RALGPS1: variants seen among roughly 807,000 people sequenced by gnomAD.
RALGPS1 encodes the protein Ral GEF with PH domain and SH3 binding motif 1.
In RALGPS1, 19 loss-of-function variants were observed where a neutral mutation model predicts 78.8. The ratio of observed to expected loss-of-function variants is 0.24; its 90% CI spans 0.17 to 0.35. The LOEUF (loss-of-function observed/expected upper bound fraction) is 0.35, where lower values mean the gene tolerates loss of function less well. Ranked by LOEUF, RALGPS1 falls within the 10% of genes least tolerant of loss-of-function variation. The pLI is 1.00. For synonymous variants in RALGPS1, 228 were observed against 256.3 expected, an observed-to-expected ratio of 0.89 and a Z score of 1.06; for missense variants, 454 against 688.3, an observed-to-expected ratio of 0.66 and a Z score of 3.81.
At chr9:127,089,121 G>A (rs1223935013) in intron 8 of RALGPS1, 1 of 1,614,206 alleles carries the variant, frequency 6.2e-7, no homozygotes, top group Non-Finnish European at 8.5e-7. Context: ...CCTCCCTTCT[G>A]GTAGTGGGCA....
At chr9:127,062,530 G>A (rs921939195) in intron 7 of RALGPS1, among the ~76,000 whole-genome samples, 1 of 152,196 alleles carries the variant, frequency 6.6e-6, no homozygotes, top group Non-Finnish European at 1.5e-5. Context: ...AGAGAAGCTA[G>A]AGTACTACAC....
chr9:127,129,290 A>T (rs1378565347), intron 8 of RALGPS1, among the ~76,000 whole-genome samples: 5 of 152,182 alleles, frequency 3.3e-5, no homozygotes, highest in African/African-American at 1.2e-4. Flanking sequence ...TCATAGCGAA[A>T]AATTCATAGA....
chr9:127,046,794 C>T (rs1469584181), intron 5 of RALGPS1, among the ~76,000 whole-genome samples: 1 of 151,520 alleles, frequency 6.6e-6, no homozygotes, highest in Non-Finnish European at 1.5e-5. Context: ...ACAGATGTCC[C>T]AGTAGAAAGA....
chr9:127,064,404 C>G (rs1167711093), intron 7 of RALGPS1, among the ~76,000 whole-genome samples: 7 of 152,096 alleles, frequency 4.6e-5, no homozygotes, highest in Admixed American at 2.0e-4. Context: ...AGTAAACAAA[C>G]CCTATATTTA....
At chr9:127,118,596 C>G (rs1454477313) in intron 8 of RALGPS1, among the ~76,000 whole-genome samples, 1 of 152,200 alleles carries the variant, frequency 6.6e-6, no homozygotes, top group Non-Finnish European at 1.5e-5. Flanking sequence ...ACCCTGACCC[C>G]CAGTTTCCAC....
chr9:126,929,133 G>C (rs2035573282), intron 1 of RALGPS1, among the ~76,000 whole-genome samples: 1 of 152,116 alleles, frequency 6.6e-6, no homozygotes, highest in African/African-American at 2.4e-5. Flanking sequence ...ATCTCCACTG[G>C]ACCAAAGCCT....
intron 11 of RALGPS1, among the ~76,000 whole-genome samples, chr9:127,185,040 G>C (rs998070797): frequency 5.6e-4 from 85 of 152,308 alleles, no homozygotes; most frequent in African/African-American, 2.0e-3. Flanking sequence ...CATCTACCCA[G>C]TGGCCTCCAG....
chr9:127,093,953 C>T, intron 8 of RALGPS1: 1 of 1,604,066 alleles, frequency 6.2e-7, no homozygotes, highest in African/African-American at 1.3e-5. Context: ...GCATATACAT[C>T]ACAGACCTGC....
At chr9:127,182,821 C>T (rs2060365385) in intron 11 of RALGPS1, among the ~76,000 whole-genome samples, 2 of 152,110 alleles carry the variant, frequency 1.3e-5, no homozygotes, top group Admixed American at 1.3e-4. Flanking sequence ...CTCCTAGTAC[C>T]TATTTTCTGT....
At chr9:127,161,192 G>A (rs1490190105) in intron 8 of RALGPS1, among the ~76,000 whole-genome samples, 1 of 152,252 alleles carries the variant, frequency 6.6e-6, no homozygotes, top group Non-Finnish European at 1.5e-5. Context: ...CTGAGGGGTG[G>A]CCACCATGCA....
chr9:126,973,728 C>G (rs1041113604), intron 3 of RALGPS1, among the ~76,000 whole-genome samples: 8 of 151,976 alleles, frequency 5.3e-5, no homozygotes, highest in African/African-American at 1.9e-4. Context: ...AATGGAAACT[C>G]TGTATCCATT....
chr9:127,017,596 C>T (rs1186042525), intron 4 of RALGPS1, among the ~76,000 whole-genome samples: 1 of 152,042 alleles, frequency 6.6e-6, no homozygotes, highest in Non-Finnish European at 1.5e-5. Context: ...AATAAATTAA[C>T]CTTAGCTTAC....
At chr9:127,124,929 A>C (rs941811523) in intron 8 of RALGPS1, among the ~76,000 whole-genome samples, 4 of 152,188 alleles carry the variant, frequency 2.6e-5, no homozygotes, top group African/African-American at 9.7e-5. Context: ...TTCACTATTC[A>C]AAGTTCTTAG....
chr9:127,029,349 C>G (rs977351261), intron 4 of RALGPS1, among the ~76,000 whole-genome samples: 1 of 152,160 alleles, frequency 6.6e-6, no homozygotes, highest in Non-Finnish European at 1.5e-5. Flanking sequence ...CAGGGTGTTT[C>G]AGAACTCCTT....
intron 13 of RALGPS1, among the ~76,000 whole-genome samples, chr9:127,198,376 G>T (rs555131741): frequency 5.8e-4 from 88 of 152,298 alleles, no homozygotes; most frequent in African/African-American, 2.0e-3. Flanking sequence ...GAAGCATTGC[G>T]CATGGATGCT....
At chr9:126,924,741 A>G (rs1416647241) in intron 1 of RALGPS1, among the ~76,000 whole-genome samples, 4 of 152,222 alleles carry the variant, frequency 2.6e-5, no homozygotes, top group Non-Finnish European at 4.4e-5. Context: ...CTACTTGCCT[A>G]CTAGCCCATC....
At chr9:126,958,371 G>A (rs964625160) in intron 1 of RALGPS1, among the ~76,000 whole-genome samples, 1 of 151,870 alleles carries the variant, frequency 6.6e-6, no homozygotes, top group Non-Finnish European at 1.5e-5. Context: ...CTGCCACCAC[G>A]ATCCAGTTTT....
rs1023826341 is a variant in RALGPS1 at position 127,143,655 on chromosome 9, C to T, written c.611-22414C>T. Among the ~76,000 whole-genome samples, 5 of 152,262 alleles carry T rather than the reference C, an allele frequency of 3.3e-5. No individual in the cohort carries two copies. The East Asian group carries it at 9.6e-4, about 29-fold the overall frequency. On this transcript the variant is annotated intron_variant, in intron 8 of 18. Transcript: ENST00000259351. ...ACTATAAATAGACTTGGTGACACCTCTTATTTGGTCAAGGTGGTCCCAGTA... is the reference window on the plus strand; with the variant it reads ...ACTATAAATAGACTTGGTGACACCTTTTATTTGGTCAAGGTGGTCCCAGTA...
chr9:126,954,593 C>T (rs1455381860), intron 1 of RALGPS1, among the ~76,000 whole-genome samples: 2 of 152,166 alleles, frequency 1.3e-5, no homozygotes, highest in African/African-American at 4.8e-5. Context: ...TCAACTCCAG[C>T]CTGGCCAATG....
Sources: allele counts gnomAD v4.1 joint callset (sites outside exome capture counted in the v4.1 genomes callset), GRCh38; gene constraint gnomAD v4.1.1; transcripts MANE v1.5; gene names NCBI Gene and HGNC (gene_info 2026-07-23, HGNC 2026-07-21).